The following RUBCN variants were observed in gnomAD, a reference collection of about 807,000 sequenced individuals.
RUBCN encodes the protein rubicon autophagy regulator.
In RUBCN, 74 loss-of-function variants were observed where a neutral mutation model predicts 113.2. That is an observed-to-expected ratio of 0.65 (90% CI 0.54 to 0.79). RUBCN has a LOEUF of 0.79. Among genes scored for constraint, RUBCN ranks in the 30% least tolerant of loss-of-function variants. The probability of loss-of-function intolerance (pLI) is 0.00; values close to 1 mark genes in which losing one functional copy is unlikely to be tolerated. For missense variants in RUBCN, 1,109 were observed against 1,251.7 expected (o/e 0.89, Z 1.72); for synonymous variants, 480 against 490.0 (o/e 0.98, Z 0.27).
chr3:197,728,310 C>T (rs954998302), intron 1 of RUBCN, among the ~76,000 whole-genome samples: 1 of 152,228 alleles, frequency 6.6e-6, no homozygotes, highest in African/African-American at 2.4e-5. Context: ...GTTCTGACAA[C>T]AGCAGCTTCC....
chr3:197,711,116 G>A (rs1168553743), intron 2 of RUBCN, among the ~76,000 whole-genome samples: 5 of 152,336 alleles, frequency 3.3e-5, no homozygotes, highest in African/African-American at 9.6e-5. Context: ...GAGCCACCAC[G>A]CCTGGCCTCT....
chr3:197,749,395 AG>A (rs1436145246), exon 1 of RUBCN: 19 of 1,192,344 alleles, frequency 1.6e-5, no homozygotes, highest in Non-Finnish European at 2.0e-5. Flanking sequence ...AAGGTGACGC[AG>A]GAACCGTCAC....
At position 197,693,811 on chromosome 3, in the gene RUBCN, G is replaced by T; in HGVS notation, c.1690C>A (p.Arg564=). ...AACTGGGAGCTGCTGGAGGTGACCCGAAAGCCTGTTATGTTTAAAAACAAA... is the reference window on the plus strand; with the variant it reads ...AACTGGGAGCTGCTGGAGGTGACCCTAAAGCCTGTTATGTTTAAAAACAAA... ...MYQEAEHGSF[R]VTSSSSQFSS... The change falls in exon 11 of 20, where the codon CGG becomes AGG. Residue 564 remains arginine (R), a synonymous_variant. Coordinates refer to ENST00000296343, the MANE Select transcript of RUBCN (RefSeq NM_014687.4). 6.2e-7 allele frequency: 1 copy of T among 1,612,574 alleles called. No homozygotes were observed. Among genetic ancestry groups the T allele is most frequent in the East Asian group, 2.2e-5 (1 of 44,864 alleles).
In RUBCN at chr3:197,735,751, C is replaced by T. The variant is rs574147686; in HGVS notation, c.65+904G>A. The stretch of plus-strand genomic sequence containing the variant: ...GCACCACAGGTGAGCACCACCACGC[C>T]GAGCTAATTTTTGTATTTTTGTAGA... On this transcript the variant is annotated intron_variant, in intron 1 of 19. Transcript: ENST00000296343. Among the ~76,000 whole-genome samples the T allele has an allele frequency of 2.0e-5, 3 of 151,956 alleles. No homozygotes were observed. In the East Asian group the frequency reaches 5.8e-4, roughly 29 times the overall value.
chr3:197,698,238 C>G (rs1723228043), intron 7 of RUBCN, among the ~76,000 whole-genome samples: 1 of 152,260 alleles, frequency 6.6e-6, no homozygotes, highest in Non-Finnish European at 1.5e-5. Flanking sequence ...AAGAAGAACG[C>G]TATTCTAAAT....
At chr3:197,699,239 T>C in intron 7 of RUBCN, 2 of 1,545,412 alleles carry the variant, frequency 1.3e-6, no homozygotes, top group Non-Finnish European at 1.8e-6. Context: ...CTCCTGCCGG[T>C]AGACAGACAG....
Position 197,674,857 on chromosome 3 carries a change from CACACAGA to C in RUBCN, c.*154_*160del. 2 of 603,270 alleles carry C rather than the reference CACACAGA, an allele frequency of 3.3e-6. No homozygotes were observed. The highest frequency in any genetic ancestry group is 5.4e-6 in the Non-Finnish European group (2 of 371,546). The allele number at this position is 603,270 out of a possible 1,614,324, so 37.4% of individuals were successfully genotyped here. A position where few individuals can be genotyped will look rare whatever the true frequency, so the allele number is the denominator to read the frequency against. On this transcript the variant is annotated 3_prime_UTR_variant, in exon 20 of 20. Transcript: ENST00000296343. ...CCATCAACCTGCCGACGGCTGACTG[CACACAGA>C]CGTCAGACAAGTCAGTAAAAAAAAA...
At chr3:197,711,578 T>C (rs1724967948) in intron 2 of RUBCN, among the ~76,000 whole-genome samples, 1 of 152,158 alleles carries the variant, frequency 6.6e-6, no homozygotes, top group Non-Finnish European at 1.5e-5. Flanking sequence ...CTCATGCCTG[T>C]AATCCCAGCA....
At position 197,736,774 on chromosome 3, in the gene RUBCN, C is replaced by T. The variant is rs1728189516; in HGVS notation, c.-55G>A. ...AGAGAGGCGTCCCTGCCGCTTCGCC[C>T]TTCAGGGCTCCCGGGGCCCCCTGGG... On this transcript the variant is annotated 5_prime_UTR_variant, in exon 1 of 20. Coordinates refer to ENST00000296343, the MANE Select transcript of RUBCN (RefSeq NM_014687.4). 3 of 1,513,888 alleles carry T rather than the reference C, an allele frequency of 2.0e-6. No individual in the cohort carries two copies. The Admixed American group carries it at 6.1e-5, about 31-fold the overall frequency. The allele number at this position is 1,513,888 out of a possible 1,614,324, so 93.8% of individuals were successfully genotyped here. A position where few individuals can be genotyped will look rare whatever the true frequency, so the allele number is the denominator to read the frequency against.
rs7641172 is a variant in RUBCN, at chr3:197,684,325, G to A, written c.1787-108C>T. 0.015 allele frequency: 12,569 copies of A among 832,002 alleles called. 1,133 individuals carry two copies. The African/African-American group carries it at 0.19, about 12-fold the overall frequency. 51.5% of individuals were successfully genotyped at this position (832,002 alleles called of 1,614,324 possible). ...GCTAAGCTCTCAGGGTAACAGCCAG[G>A]TGCCACACTCTATGCAGGAGAAAGG... On this transcript the variant is annotated intron_variant, in intron 11 of 19. Coordinates refer to ENST00000296343, the MANE Select transcript of RUBCN (RefSeq NM_014687.4).
intron 2 of RUBCN, among the ~76,000 whole-genome samples, chr3:197,710,092 C>G (rs914812100): frequency 6.6e-6 from 1 of 151,772 alleles, no homozygotes; most frequent in Non-Finnish European, 1.5e-5. Flanking sequence ...ATTGCTTGAA[C>G]CCAGGAGGCG....
chr3:197,736,415 T>A (rs113444511), intron 1 of RUBCN, among the ~76,000 whole-genome samples: 134 of 152,088 alleles, frequency 8.8e-4, no homozygotes, highest in African/African-American at 3.1e-3. Context: ...TTCACCCTCC[T>A]CTGCTGCCCT....
At position 197,670,012 on chromosome 3, in the gene RUBCN, G is replaced by A. The variant is rs111351671; in HGVS notation, c.*5006C>T. Among the ~76,000 whole-genome samples the A allele has an allele frequency of 6.6e-6, 1 of 152,024 alleles. No homozygotes were observed. Among genetic ancestry groups the A allele is most frequent in the East Asian group, 1.9e-4 (1 of 5,186 alleles). On this transcript the variant is annotated 3_prime_UTR_variant, in exon 20 of 20. Coordinates refer to ENST00000296343, the MANE Select transcript of RUBCN (RefSeq NM_014687.4). The stretch of plus-strand genomic sequence containing the variant: ...CAAGCAATTCTCCTGTCTCAACCTC[G>A]CGAGTAGCTGGGATTACAGGCGCCC...
intron 11 of RUBCN, chr3:197,691,276 C>T: frequency 2.2e-6 from 1 of 460,054 alleles, no homozygotes; most frequent in Non-Finnish European, 4.1e-6. Context: ...CGTTTAGGAA[C>T]TTGCATCCTT....
At chr3:197,687,797 C>G (rs1333005649) in intron 11 of RUBCN, among the ~76,000 whole-genome samples, 1 of 152,218 alleles carries the variant, frequency 6.6e-6, no homozygotes, top group Non-Finnish European at 1.5e-5. Flanking sequence ...CTCAGCACCC[C>G]AGAGAACAGT....
At chr3:197,684,057 A>T in intron 12 of RUBCN, 100 bp downstream of exon 12, 2 of 942,922 alleles carry the variant, frequency 2.1e-6, no homozygotes, top group Non-Finnish European at 3.4e-6. Flanking sequence ...CTCCTCTTAC[A>T]TCTGGATGGC....
rs1439159808 is a variant in RUBCN at position 197,694,538 on chromosome 3, C to A, written c.1521G>T (p.Glu507Asp). ...GGCTCATCATGTTGCACTTCATTAG[C>A]TCGATGGCAGCAATTAAGGACTCTG... Reference protein sequence around the residue: ...SISESLIAAIELMKCNMMSQC... With the variant: ...SISESLIAAIDLMKCNMMSQC... The change falls in exon 10 of 20, where the codon GAG (glutamate) becomes GAT (aspartate). Residue 507 changes from glutamate (E) to aspartate (D), a missense_variant. Glu to Asp is a conservative substitution (Grantham distance 45). Around this residue, in one of 3 missense-constraint regions of RUBCN, gnomAD observed 736 missense variants for 779.6 expected, o/e 0.94. Coordinates refer to ENST00000296343, the MANE Select transcript of RUBCN (RefSeq NM_014687.4). The A allele has an allele frequency of 6.2e-7, 1 of 1,614,204 alleles. No individual in the cohort carries two copies. The highest frequency in any genetic ancestry group is 1.1e-5 in the South Asian group (1 of 91,080).
upstream of RUBCN, among the ~76,000 whole-genome samples, chr3:197,740,468 TA>T (rs1017784255): frequency 6.7e-6 from 1 of 150,084 alleles, no homozygotes. Context: ...GACTCCATCT[TA>T]AAAAAAAAGA....
chr3:197,677,303 C>G (rs533858774), intron 17 of RUBCN, among the ~76,000 whole-genome samples, 177 bp downstream of exon 17: 1 of 152,342 alleles, frequency 6.6e-6, no homozygotes, highest in African/African-American at 2.4e-5. Flanking sequence ...GACCACAGAT[C>G]CCCTTCCAGA....
Sources: gnomAD v4.1 joint callset for allele counts (sites outside exome capture counted in the v4.1 genomes callset) on GRCh38, gnomAD v4.1.1 for gene constraint, gnomAD v4.1.1 regional missense constraint, MANE v1.5 for transcripts, NCBI Gene and HGNC (gene_info 2026-07-23, HGNC 2026-07-21) for gene names.